The following DLGAP1 variants were observed in gnomAD, a reference collection of about 807,000 sequenced individuals.
The protein encoded by DLGAP1 is disks large-associated protein 1.
Under a neutral mutation model 90.8 loss-of-function variants are expected in DLGAP1, and 11 were observed. The observed-to-expected ratio is 0.12, with a 90% CI of 0.08 to 0.20. DLGAP1 has a LOEUF of 0.20. Ranked by LOEUF, DLGAP1 falls within the 10% of genes least tolerant of loss-of-function variation. DLGAP1 has a pLI of 1.00. For synonymous variants in DLGAP1, 558 were observed against 540.7 expected, an observed-to-expected ratio of 1.03 and a Z score of -0.44; for missense variants, 1,050 against 1,333.8, an observed-to-expected ratio of 0.79 and a Z score of 3.31.
At chr18:3,693,781 A>T (rs1445472144) in intron 7 of DLGAP1, among the ~76,000 whole-genome samples, 1 of 152,232 alleles carries the variant, frequency 6.6e-6, no homozygotes, top group Admixed American at 6.5e-5. Flanking sequence ...AGATTGGGCT[A>T]GGAAGCTGCT....
chr18:3,958,363 T>A (rs1244377897), intron 3 of DLGAP1, among the ~76,000 whole-genome samples: 1 of 149,790 alleles, frequency 6.7e-6, no homozygotes, highest in East Asian at 2.0e-4. Context: ...TATGTATGCA[T>A]GATAAGGAGG....
At chr18:4,194,167 G>T (rs902194916) in intron 1 of DLGAP1, among the ~76,000 whole-genome samples, 1 of 151,968 alleles carries the variant, frequency 6.6e-6, no homozygotes, top group African/African-American at 2.4e-5. Context: ...ATTCCCTTCC[G>T]CACCAGTAGA....
chr18:4,306,390 T>A (rs1246327372), intron 1 of DLGAP1, among the ~76,000 whole-genome samples: 1 of 151,146 alleles, frequency 6.6e-6, no homozygotes, highest in Admixed American at 6.6e-5. Flanking sequence ...TATGATCATA[T>A]CAGAAGGATA....
At chr18:3,732,269 CCATGTG>C (rs2062462661) in intron 6 of DLGAP1, among the ~76,000 whole-genome samples, 2 of 152,178 alleles carry the variant, frequency 1.3e-5, no homozygotes, top group South Asian at 4.1e-4. Context: ...AGGCTAGAGG[CCATGTG>C]TTTATTTCAT....
chr18:4,106,358 A>G (rs1360609776), intron 2 of DLGAP1, among the ~76,000 whole-genome samples: 1 of 152,172 alleles, frequency 6.6e-6, no homozygotes, highest in Non-Finnish European at 1.5e-5. Flanking sequence ...CATTGGCAGA[A>G]AGGCAGGCTG....
intron 5 of DLGAP1, among the ~76,000 whole-genome samples, chr18:3,764,689 A>G (rs1363337095): frequency 5.3e-5 from 8 of 152,256 alleles, no homozygotes. Context: ...GTCTAAAAAA[A>G]TCTTCTCTTC....
chr18:3,684,051 G>C (rs1161459288), intron 7 of DLGAP1, among the ~76,000 whole-genome samples: 2 of 152,098 alleles, frequency 1.3e-5, no homozygotes, highest in African/African-American at 2.4e-5. Flanking sequence ...CAGAAACAAG[G>C]TGATGTTTGA....
intron 1 of DLGAP1, among the ~76,000 whole-genome samples, chr18:4,226,138 T>C (rs1023703428): frequency 1.3e-5 from 2 of 152,186 alleles, no homozygotes; most frequent in East Asian, 1.9e-4. Context: ...AGAGTGGCCT[T>C]ATATATATAC....
chr18:4,235,973 G>T (rs1270146848), intron 1 of DLGAP1, among the ~76,000 whole-genome samples: 5 of 151,972 alleles, frequency 3.3e-5, no homozygotes, highest in Non-Finnish European at 7.4e-5. Context: ...TGATCCGCCT[G>T]CCTTAGCCTT....
intron 1 of DLGAP1, among the ~76,000 whole-genome samples, chr18:4,174,990 T>A (rs999027955): frequency 2.6e-5 from 4 of 152,140 alleles, no homozygotes; most frequent in African/African-American, 9.7e-5. Context: ...GTACCACCTT[T>A]TCTTTATCCA....
chr18:4,313,426 T>C (rs2080451347), intron 1 of DLGAP1, among the ~76,000 whole-genome samples: 1 of 152,156 alleles, frequency 6.6e-6, no homozygotes, highest in South Asian at 2.1e-4. Context: ...GCCATGCAGC[T>C]ACATGAGGGG....
intron 1 of DLGAP1, among the ~76,000 whole-genome samples, chr18:4,158,059 T>A (rs144432335): frequency 6.6e-6 from 1 of 152,286 alleles, no homozygotes; most frequent in African/African-American, 2.4e-5. Context: ...CCTTCCTTAC[T>A]CATGAGTAAG....
intron 3 of DLGAP1, chr18:3,977,596 C>G (rs2073621254): frequency 4.7e-6 from 1 of 212,202 alleles, no homozygotes; most frequent in Non-Finnish European, 9.4e-6. Context: ...GGGACTCCCC[C>G]TCTCTCTTCC....
intron 1 of DLGAP1, among the ~76,000 whole-genome samples, chr18:4,427,572 C>T (rs1205643718): frequency 6.6e-6 from 1 of 152,108 alleles, no homozygotes; most frequent in East Asian, 1.9e-4. Context: ...TAGATTGAGT[C>T]CCTTGCTGCC....
intron 4 of DLGAP1, among the ~76,000 whole-genome samples, chr18:3,875,249 C>T (rs1309618078): frequency 6.6e-6 from 1 of 152,158 alleles, no homozygotes; most frequent in Non-Finnish European, 1.5e-5. Flanking sequence ...AAAAAATACG[C>T]ACTCATTTCC....
chr18:4,264,300 C>T (rs1223090795), intron 1 of DLGAP1, among the ~76,000 whole-genome samples: 1 of 152,198 alleles, frequency 6.6e-6, no homozygotes, highest in East Asian at 1.9e-4. Context: ...TTCCTCTAAG[C>T]CAGCAGATGT....
chr18:3,536,492 G>C (rs2052390923), intron 9 of DLGAP1, among the ~76,000 whole-genome samples: 1 of 152,066 alleles, frequency 6.6e-6, no homozygotes, highest in African/African-American at 2.4e-5. Flanking sequence ...CCAAAGTGCT[G>C]GGATTACAAG....
chr18:3,918,405 G>C (rs922507135), intron 3 of DLGAP1, among the ~76,000 whole-genome samples: 2 of 152,128 alleles, frequency 1.3e-5, no homozygotes, highest in African/African-American at 2.4e-5. Flanking sequence ...TTTCTTCTGT[G>C]AAATAAAAAT....
chr18:4,241,034 C>A (rs2078523459), intron 1 of DLGAP1, among the ~76,000 whole-genome samples: 1 of 152,180 alleles, frequency 6.6e-6, no homozygotes, highest in African/African-American at 2.4e-5. Flanking sequence ...AAAATGTTAT[C>A]TTTTTCATTT....
Sources: allele counts gnomAD v4.1 joint callset (sites outside exome capture counted in the v4.1 genomes callset), GRCh38; gene constraint gnomAD v4.1.1; transcripts MANE v1.5; gene names NCBI Gene and HGNC (gene_info 2026-07-23, HGNC 2026-07-21).